The following UBE2L3 variants were observed in gnomAD, a reference collection of about 807,000 sequenced individuals.
UBE2L3 encodes ubiquitin conjugating enzyme E2 L3, also known as ubiquitin-conjugating enzyme E2 L3.
In UBE2L3, 1 loss-of-function variant was observed where a neutral mutation model predicts 17.8. The observed-to-expected ratio is 0.06, with a 90% CI of 0.02 to 0.27. The LOEUF is 0.27. Among genes scored for constraint, UBE2L3 ranks in the 10% least tolerant of loss-of-function variants. The pLI, the probability that UBE2L3 is intolerant of heterozygous loss-of-function variation, is 1.00. For synonymous variants in UBE2L3, 44 were observed against 68.5 expected, an observed-to-expected ratio of 0.64 and a Z score of 1.76; for missense variants, 40 against 192.6, an observed-to-expected ratio of 0.21 and a Z score of 4.69.
At position 21,623,681 on chromosome 22, in the gene UBE2L3, C is replaced by A. The variant is rs1218053467; in HGVS notation, c.*2012C>A. ...GGACTCTCAGCCCTGGCACTGGCAC[C>A]CCAGGGTTGGCCCCGTCAGCAGAGG... On this transcript the variant is annotated 3_prime_UTR_variant, in exon 4 of 4. Coordinates refer to ENST00000342192, the MANE Select transcript of UBE2L3 (RefSeq NM_003347.4). 1 of 152,934 alleles carries A rather than the reference C, an allele frequency of 6.5e-6. No homozygotes were observed. The highest frequency in any genetic ancestry group is 2.4e-5 in the African/African-American group (1 of 41,468). 9.5% of individuals were successfully genotyped at this position (152,934 alleles called of 1,614,324 possible).
intron 1 of UBE2L3, among the ~76,000 whole-genome samples, chr22:21,561,787 G>T (rs1449031421): frequency 6.6e-6 from 1 of 152,268 alleles, no homozygotes; most frequent in Non-Finnish European, 1.5e-5. Flanking sequence ...GGGAGATGAG[G>T]CTTCAGGTAG....
At chr22:21,598,210 T>TGTGTGTGTGTG (rs1555885647) in intron 2 of UBE2L3, among the ~76,000 whole-genome samples, 2 of 151,888 alleles carry the variant, frequency 1.3e-5, no homozygotes, top group Non-Finnish European at 2.9e-5. Context: ...TGTGTGTGTG[T>TGTGTGTGTGTG]TTTTCATTTA....
chr22:21,566,975 G>C (rs1926661225), upstream of UBE2L3, among the ~76,000 whole-genome samples: 1 of 152,102 alleles, frequency 6.6e-6, no homozygotes, highest in African/African-American at 2.4e-5. Context: ...GGATGTTAAT[G>C]CTAACGTATC....
At chr22:21,565,218 G>C (rs1158920755), upstream of UBE2L3, among the ~76,000 whole-genome samples, 1 of 151,698 alleles carries the variant, frequency 6.6e-6, no homozygotes, top group Admixed American at 6.6e-5. Flanking sequence ...TCAGCCTCCC[G>C]AGTAGCTGGG....
Position 21,612,349 on chromosome 22 carries a change from CG to C in UBE2L3, c.310+1308del, listed in dbSNP as rs1485579648. On this transcript the variant is annotated intron_variant, in intron 3 of 3. Transcript: ENST00000342192. ...TTTCTTTTCTTTTCTTTTTTGGAAA[CG>C]GAGTCTCGCTCTGTCACCAGGCTGG... Among the ~76,000 whole-genome samples the C allele has an allele frequency of 2.6e-5, 4 of 151,996 alleles. No individual in the cohort carries two copies. The East Asian group carries it at 7.7e-4, about 29-fold the overall frequency.
intron 1 of UBE2L3, among the ~76,000 whole-genome samples, chr22:21,570,610 CTTAAG>C (rs1926911955): frequency 6.6e-6 from 1 of 152,010 alleles, no homozygotes. Flanking sequence ...TGTGTTGTTT[CTTAAG>C]TTGAGGATGG....
At chr22:21,568,605 T>C (rs1358120653) in intron 1 of UBE2L3, among the ~76,000 whole-genome samples, 1 of 152,168 alleles carries the variant, frequency 6.6e-6, no homozygotes, top group African/African-American at 2.4e-5. Flanking sequence ...AATTGGCACC[T>C]TTTGGTGAGG....
At chr22:21,572,290 C>T (rs1431804653) in intron 1 of UBE2L3, among the ~76,000 whole-genome samples, 1 of 151,858 alleles carries the variant, frequency 6.6e-6, no homozygotes, top group East Asian at 1.9e-4. Flanking sequence ...AAAAAATTAG[C>T]TGGGCGTGGT....
intron 1 of UBE2L3, among the ~76,000 whole-genome samples, chr22:21,572,703 C>T (rs183549810): frequency 1.2e-3 from 176 of 152,254 alleles, no homozygotes; most frequent in African/African-American, 3.5e-3. Flanking sequence ...GCCACAGAGA[C>T]GTTCCTCCTG....
At chr22:21,575,258 CAAA>C (rs999280735) in intron 1 of UBE2L3, among the ~76,000 whole-genome samples, 9 of 52,726 alleles carry the variant, frequency 1.7e-4, no homozygotes, top group Admixed American at 2.2e-4. Context: ...GACTCCATCT[CAAA>C]AAAAAAAAAA....
intron 2 of UBE2L3, among the ~76,000 whole-genome samples, chr22:21,610,457 G>A (rs1378668194): frequency 6.6e-6 from 1 of 152,200 alleles, no homozygotes. Flanking sequence ...ATGTGTTAAG[G>A]TAAAAGGTTC....
rs567631094 is a variant in UBE2L3 at position 21,584,942 on chromosome 22, C to T, written c.28-7919C>T. On this transcript the variant is annotated intron_variant, in intron 1 of 3. Transcript: ENST00000342192. Reference sequence around the variant, plus strand: ...CGCCTCCACACTCCAGCCTGGAGAGCGAGACTCCGTCTCAAAACAAACAAA... The same window carrying T: ...CGCCTCCACACTCCAGCCTGGAGAGTGAGACTCCGTCTCAAAACAAACAAA... Among the ~76,000 whole-genome samples, 35 of 152,244 alleles carry T rather than the reference C, an allele frequency of 2.3e-4. 1 individual carries two copies. The South Asian group carries it at 6.4e-3, about 28-fold the overall frequency.
intron 1 of UBE2L3, among the ~76,000 whole-genome samples, chr22:21,582,207 A>T (rs1215647767): frequency 6.7e-6 from 1 of 150,156 alleles, no homozygotes; most frequent in Non-Finnish European, 1.5e-5. Context: ...AGTCAGAGGG[A>T]TTTTTTCCAT....
chr22:21,577,357 AGC>A (rs1199705298), intron 1 of UBE2L3, among the ~76,000 whole-genome samples: 1 of 152,078 alleles, frequency 6.6e-6, no homozygotes, highest in African/African-American at 2.4e-5. Flanking sequence ...CGCCTGCCTC[AGC>A]CTCCCAAATA....
At chr22:21,577,091 C>T (rs892519313) in intron 1 of UBE2L3, among the ~76,000 whole-genome samples, 1 of 152,000 alleles carries the variant, frequency 6.6e-6, no homozygotes, top group African/African-American at 2.4e-5. Context: ...GCTTCACCCT[C>T]TCGAGTAGCT....
intron 1 of UBE2L3, among the ~76,000 whole-genome samples, chr22:21,580,703 G>A (rs1168269307): frequency 6.6e-6 from 1 of 151,982 alleles, no homozygotes; most frequent in East Asian, 1.9e-4. Flanking sequence ...CCCCACCTCA[G>A]CCTCCCAAAA....
chr22:21,592,639 C>T (rs994544227), intron 1 of UBE2L3, among the ~76,000 whole-genome samples: 1 of 152,256 alleles, frequency 6.6e-6, no homozygotes, highest in South Asian at 2.1e-4. Flanking sequence ...GAGGTGGGGG[C>T]TTGTCTTGGT....
chr22:21,562,376 CTT>C (rs1211084908), intron 1 of UBE2L3, among the ~76,000 whole-genome samples: 4 of 123,292 alleles, frequency 3.2e-5, no homozygotes, highest in Non-Finnish European at 1.7e-5. Flanking sequence ...TTCTTTTTTT[CTT>C]TTTTTTTTTT....
chr22:21,573,214 G>T (rs2148402418), intron 1 of UBE2L3, among the ~76,000 whole-genome samples: 1 of 152,268 alleles, frequency 6.6e-6, no homozygotes, highest in South Asian at 2.1e-4. Context: ...GATTGGAGCA[G>T]AATTTAGTAG....
Sources: allele counts gnomAD v4.1 joint callset (sites outside exome capture counted in the v4.1 genomes callset), GRCh38; gene constraint gnomAD v4.1.1; transcripts MANE v1.5; gene names NCBI Gene and HGNC (gene_info 2026-07-23, HGNC 2026-07-21).